The following XPO4 variants were observed in gnomAD, a reference collection of about 807,000 sequenced individuals.
The protein encoded by XPO4 is exportin 4.
In XPO4, 39 loss-of-function variants were observed where a neutral mutation model predicts 143.0. The observed-to-expected ratio is 0.27, with a 90% confidence interval of 0.21 to 0.36. The LOEUF (loss-of-function observed/expected upper bound fraction) is 0.36, where lower values mean the gene tolerates loss of function less well. Ranked by LOEUF, XPO4 falls within the 10% of genes least tolerant of loss-of-function variation. XPO4 has a pLI of 1.00. For synonymous variants in XPO4, 439 were observed against 474.0 expected (o/e 0.93, Z 0.96); for missense variants, 907 against 1,348.0 (o/e 0.67, Z 5.12).
At chr13:20,857,684 G>A (rs555867246) in intron 3 of XPO4, 5 of 275,216 alleles carry the variant, frequency 1.8e-5, no homozygotes, top group East Asian at 1.8e-4. Flanking sequence ...CTGAGACTGC[G>A]CCACTGCACT....
At chr13:20,882,472 G>A (rs1302319460) in intron 1 of XPO4, among the ~76,000 whole-genome samples, 1 of 152,094 alleles carries the variant, frequency 6.6e-6, no homozygotes, top group Non-Finnish European at 1.5e-5. Flanking sequence ...GAGGCACCAT[G>A]CCATTCATGA....
At chr13:20,785,845 G>A (rs1292628573) in intron 22 of XPO4, among the ~76,000 whole-genome samples, 1 of 142,624 alleles carries the variant, frequency 7.0e-6, no homozygotes, top group African/African-American at 2.6e-5. Context: ...GAGACAAGAG[G>A]GTGGAAGGGA....
intron 4 of XPO4, chr13:20,852,777 T>C: frequency 1.0e-6 from 1 of 984,994 alleles, no homozygotes; most frequent in African/African-American, 1.7e-5. Context: ...GAAAATTGCT[T>C]GACTGAGAGC....
At chr13:20,878,123 A>C (rs2138152230) in intron 1 of XPO4, among the ~76,000 whole-genome samples, 1 of 152,302 alleles carries the variant, frequency 6.6e-6, no homozygotes, top group Non-Finnish European at 1.5e-5. Context: ...CTTGAAGCCA[A>C]GATTGCATCA....
chr13:20,796,589 CAACATGACTTT>C (rs2059361278), intron 17 of XPO4, among the ~76,000 whole-genome samples, 164 bp downstream of exon 17: 1 of 151,858 alleles, frequency 6.6e-6, no homozygotes, highest in African/African-American at 2.4e-5. Flanking sequence ...TACATTCATT[CAACATGACTTT>C]CTCTAAATTA....
chr13:20,797,446 GT>G (rs562922505), intron 16 of XPO4, among the ~76,000 whole-genome samples: 1 of 152,126 alleles, frequency 6.6e-6, no homozygotes, highest in Admixed American at 6.6e-5. Flanking sequence ...GTTCTTGTCT[GT>G]TTTTTTCCTT....
In XPO4 at chr13:20,785,911, A is replaced by AGGG. The variant is rs1566551964; in HGVS notation, c.3258+1053_3258+1054insCCC. ...GAGAAAGAAAGAAAGAGGAGGGAGG[A>AGGG]AGGAAGGAAGAAAGGAAAGAAAAGA... On this transcript the variant is annotated intron_variant, in intron 22 of 22. Transcript: ENST00000255305. 1.5e-3 allele frequency among the ~76,000 whole-genome samples: 153 copies of AGGG among 101,040 alleles called. 4 individuals are homozygous for AGGG. Among genetic ancestry groups the AGGG allele is most frequent in the Middle Eastern group, 4.7e-3 (1 of 214 alleles). 66.3% of individuals were successfully genotyped at this position (101,040 alleles called of 152,430 possible). A position where few individuals can be genotyped will look rare whatever the true frequency, so the allele number is the denominator to read the frequency against.
At chr13:20,858,212 G>A (rs1403147537) in intron 3 of XPO4, among the ~76,000 whole-genome samples, 1 of 151,188 alleles carries the variant, frequency 6.6e-6, no homozygotes, top group Non-Finnish European at 1.5e-5. Flanking sequence ...TAGATCTGAA[G>A]TGACAGACTG....
At chr13:20,800,770 C>A in intron 14 of XPO4, 61 bp downstream of exon 14, 2 of 1,567,376 alleles carry the variant, frequency 1.3e-6, no homozygotes, top group Non-Finnish European at 1.7e-6. Context: ...GAAAAATGTT[C>A]CTGCTTCTAT....
intron 1 of XPO4, among the ~76,000 whole-genome samples, chr13:20,869,048 C>T (rs1196080076): frequency 2.0e-5 from 3 of 152,110 alleles, no homozygotes; most frequent in Non-Finnish European, 4.4e-5. Context: ...ACCACTTGGA[C>T]TAACTTGACC....
At chr13:20,872,003 A>G (rs2060303548) in intron 1 of XPO4, among the ~76,000 whole-genome samples, 1 of 152,212 alleles carries the variant, frequency 6.6e-6, no homozygotes, top group Non-Finnish European at 1.5e-5. Flanking sequence ...CTACAACCAG[A>G]ATTTTAAATT....
intron 4 of XPO4, chr13:20,852,104 G>T: frequency 1.0e-6 from 1 of 985,372 alleles, no homozygotes; most frequent in Non-Finnish European, 1.2e-6. Flanking sequence ...AGGGCAGGCC[G>T]CATAAATTCT....
rs1427969638 is a variant in XPO4 at position 20,902,677 on chromosome 13, A to G, written c.62T>C (p.Val21Ala). The G allele has an allele frequency of 6.3e-7, 1 of 1,578,206 alleles. No individual in the cohort carries two copies. The highest frequency in any genetic ancestry group is 1.8e-5 in the Admixed American group (1 of 55,846). Residue 21 changes from valine (V) to alanine (A), a missense_variant, in exon 1 of 23, where the codon GTT (valine) becomes GCT (alanine). Val to Ala is a moderately conservative substitution (Grantham distance 64, BLOSUM62 0). Coordinates refer to ENST00000255305, the MANE Select transcript of XPO4 (RefSeq NM_022459.5). Reference protein sequence around the residue: ...VIAQLENAAKVLMAPPSMVNN... With the variant: ...VIAQLENAAKALMAPPSMVNN... ...GGGGCGCGGCGTCCTCACCATCAGA[A>G]CTTTAGCCGCGTTCTCCAGCTGAGC...
chr13:20,846,125 T>C (rs896504334), intron 4 of XPO4, among the ~76,000 whole-genome samples: 1 of 152,204 alleles, frequency 6.6e-6, no homozygotes, highest in African/African-American at 2.4e-5. Context: ...ATGAATAATC[T>C]ATACTAGTTT....
intron 14 of XPO4, 143 bp from the exon 15 acceptor site, chr13:20,800,468 A>G: frequency 2.6e-6 from 2 of 772,532 alleles, no homozygotes; most frequent in Non-Finnish European, 2.0e-6. Flanking sequence ...ACTCATTTCC[A>G]CTGGTCAAAA....
At chr13:20,796,022 T>A in intron 18 of XPO4, 54 bp downstream of exon 18, 1 of 1,496,008 alleles carries the variant, frequency 6.7e-7, no homozygotes, top group Non-Finnish European at 9.1e-7. Flanking sequence ...ATCCTTTGAT[T>A]TAATAAAAAG....
rs74358411 is a variant in XPO4, at chr13:20,893,145, A to G, written c.69+9525T>C. ...AGAAAAAGCGACTGGAAAAGAGTCA[A>G]CAGAAGCTGGAAAGGCAGTAACTTA... On this transcript the variant is annotated intron_variant, in intron 1 of 22. Transcript: ENST00000255305. Among the ~76,000 whole-genome samples, 23 of 152,334 alleles carry G rather than the reference A, an allele frequency of 1.5e-4. No individual in the cohort carries two copies. In the East Asian group the frequency reaches 4.2e-3, roughly 28 times the overall value.
At chr13:20,865,231 C>T (rs545602545) in intron 2 of XPO4, among the ~76,000 whole-genome samples, 68 of 152,080 alleles carry the variant, frequency 4.5e-4, no homozygotes, top group African/African-American at 1.2e-3. Context: ...CTCTGCCTCC[C>T]GGGTTCAAGT....
At chr13:20,800,063 C>T in intron 15 of XPO4, 93 bp downstream of exon 15, 1 of 1,418,346 alleles carries the variant, frequency 7.1e-7, no homozygotes, top group Non-Finnish European at 9.5e-7. Context: ...ACCGTGTAAC[C>T]ATTTGCCAGT....
Sources: gnomAD v4.1 joint callset for allele counts (sites outside exome capture counted in the v4.1 genomes callset) on GRCh38, gnomAD v4.1.1 for gene constraint, MANE v1.5 for transcripts, NCBI Gene and HGNC (gene_info 2026-07-23, HGNC 2026-07-21) for gene names.